FGF12: variants seen among roughly 807,000 people sequenced by gnomAD.
FGF12 encodes fibroblast growth factor 12B.
In FGF12, 14 loss-of-function variants were observed where a neutral mutation model predicts 23.6. The ratio of observed to expected loss-of-function variants is 0.59; its 90% CI spans 0.39 to 0.93. The LOEUF (loss-of-function observed/expected upper bound fraction) is 0.93. FGF12 is among the 40% of genes least tolerant of loss of function. The pLI is 0.00. For missense variants in FGF12, 175 were observed against 217.8 expected (o/e 0.80, Z 1.24); for synonymous variants, 62 against 77.3 (o/e 0.80, Z 1.04).
chr3:192,467,722 G>C (rs890287368), intron 2 of FGF12, among the ~76,000 whole-genome samples: 4 of 152,080 alleles, frequency 2.6e-5, no homozygotes, highest in African/African-American at 9.7e-5. Flanking sequence ...AAAATACTAG[G>C]CACATGAAGA....
intron 2 of FGF12, among the ~76,000 whole-genome samples, chr3:192,576,514 T>C (rs995658889): frequency 6.6e-6 from 1 of 152,180 alleles, no homozygotes; most frequent in African/African-American, 2.4e-5. Context: ...TAAAGAGTAA[T>C]GTCTTAGAAA....
chr3:192,260,419 T>G (rs1378252963), intron 4 of FGF12, among the ~76,000 whole-genome samples: 1 of 152,194 alleles, frequency 6.6e-6, no homozygotes, highest in Non-Finnish European at 1.5e-5. Flanking sequence ...TAAATTGGAT[T>G]CTGTTCATCC....
At chr3:192,232,989 T>C (rs766312922) in intron 4 of FGF12, among the ~76,000 whole-genome samples, 20 of 152,228 alleles carry the variant, frequency 1.3e-4, no homozygotes, top group Non-Finnish European at 2.6e-4. Flanking sequence ...GTCTTTGCTA[T>C]TGTGAATAAT....
intron 2 of FGF12, among the ~76,000 whole-genome samples, chr3:192,406,141 T>C (rs1720948230): frequency 6.6e-6 from 1 of 152,194 alleles, no homozygotes; most frequent in Non-Finnish European, 1.5e-5. Context: ...TGTTTTCTAA[T>C]GAGATGCTAA....
intron 4 of FGF12, among the ~76,000 whole-genome samples, chr3:192,237,586 G>A (rs746333813): frequency 1.3e-5 from 2 of 151,952 alleles, no homozygotes; most frequent in African/African-American, 2.4e-5. Flanking sequence ...AACAGTCTTC[G>A]AGTTCTGAGA....
intron 2 of FGF12, among the ~76,000 whole-genome samples, chr3:192,404,155 T>C (rs1056901318): frequency 6.6e-6 from 1 of 152,202 alleles, no homozygotes; most frequent in African/African-American, 2.4e-5. Context: ...TTTTTCCTGA[T>C]TGATTATTCT....
intron 4 of FGF12, among the ~76,000 whole-genome samples, chr3:192,317,757 C>T (rs879176388): frequency 5.3e-5 from 8 of 152,110 alleles, no homozygotes; most frequent in African/African-American, 1.7e-4. Flanking sequence ...AGACAGTGCT[C>T]ACCACAGACC....
intron 2 of FGF12, among the ~76,000 whole-genome samples, chr3:192,657,547 T>C (rs1183241098): frequency 6.6e-6 from 1 of 152,166 alleles, no homozygotes; most frequent in Non-Finnish European, 1.5e-5. Flanking sequence ...CTTCTGGGTA[T>C]CAATTTTATC....
At chr3:192,508,472 CGCT>C (rs1265719760) in intron 2 of FGF12, among the ~76,000 whole-genome samples, 1 of 152,182 alleles carries the variant, frequency 6.6e-6, no homozygotes, top group Non-Finnish European at 1.5e-5. Flanking sequence ...TATAAGTACT[CGCT>C]GGATGTCTCT....
At chr3:192,161,044 A>G (rs1203496535) in intron 5 of FGF12, among the ~76,000 whole-genome samples, 3 of 149,856 alleles carry the variant, frequency 2.0e-5, no homozygotes, top group East Asian at 3.9e-4. Context: ...AACAGAAAAT[A>G]AACCAAGAAA....
chr3:192,196,856 G>A (rs1717093341), intron 4 of FGF12, among the ~76,000 whole-genome samples: 1 of 148,314 alleles, frequency 6.7e-6, no homozygotes, highest in Non-Finnish European at 1.5e-5. Flanking sequence ...GCAAAGACAA[G>A]TATTTTTTTT....
chr3:192,419,731 A>G (rs895976820), intron 2 of FGF12, among the ~76,000 whole-genome samples: 1 of 152,202 alleles, frequency 6.6e-6, no homozygotes, highest in Non-Finnish European at 1.5e-5. Context: ...TCATGAATCA[A>G]CAATGAAACT....
At chr3:192,287,438 G>A (rs897203053) in intron 4 of FGF12, among the ~76,000 whole-genome samples, 2 of 151,982 alleles carry the variant, frequency 1.3e-5, no homozygotes, top group Non-Finnish European at 2.9e-5. Context: ...TTAACAGTCC[G>A]TGAAATTTAG....
chr3:192,174,532 C>G (rs2108624749), intron 4 of FGF12, among the ~76,000 whole-genome samples: 1 of 152,280 alleles, frequency 6.6e-6, no homozygotes, highest in Non-Finnish European at 1.5e-5. Flanking sequence ...GCTGCAGGCA[C>G]TTGTGTGGAC....
chr3:192,581,919 A>C (rs764273607), intron 2 of FGF12, among the ~76,000 whole-genome samples: 10 of 151,320 alleles, frequency 6.6e-5, no homozygotes, highest in Non-Finnish European at 1.5e-4. Context: ...TGAATGCCTT[A>C]CTCTCTTCAG....
intron 2 of FGF12, among the ~76,000 whole-genome samples, chr3:192,524,158 A>T (rs1724886833): frequency 1.3e-5 from 2 of 152,250 alleles, no homozygotes; most frequent in Non-Finnish European, 1.5e-5. Context: ...CCCCCTTCCT[A>T]GTGCAACATT....
At position 192,154,832 on chromosome 3, in the gene FGF12, T is replaced by C. The variant is rs1032433444; in HGVS notation, c.428-10705A>G. Among the ~76,000 whole-genome samples, 8 of 146,434 alleles carry C rather than the reference T, an allele frequency of 5.5e-5. No homozygotes were observed. In the South Asian group the frequency reaches 9.2e-4, roughly 17 times the overall value. ...GCAGGCAGGCCTCCTTGAGCTGTGGTGGGCTCCACCCAGTTCGAGCTTCCC... is the reference window on the plus strand; with the variant it reads ...GCAGGCAGGCCTCCTTGAGCTGTGGCGGGCTCCACCCAGTTCGAGCTTCCC... On this transcript the variant is annotated intron_variant, in intron 5 of 5. Coordinates refer to ENST00000445105, the MANE Select transcript of FGF12 (RefSeq NM_004113.6).
chr3:192,692,870 G>GA (rs1467781215), intron 2 of FGF12, among the ~76,000 whole-genome samples: 2 of 151,760 alleles, frequency 1.3e-5, no homozygotes, highest in African/African-American at 4.8e-5. Context: ...ATCAATGGGA[G>GA]AAAACCAGAA....
intron 4 of FGF12, among the ~76,000 whole-genome samples, chr3:192,313,861 G>C (rs970566978): frequency 2.6e-5 from 4 of 152,190 alleles, no homozygotes; most frequent in African/African-American, 9.7e-5. Flanking sequence ...GCTGCTGCCA[G>C]GTGCTATGGA....
Sources: allele counts gnomAD v4.1 joint callset (sites outside exome capture counted in the v4.1 genomes callset), GRCh38; gene constraint gnomAD v4.1.1; transcripts MANE v1.5; gene names NCBI Gene and HGNC (gene_info 2026-07-23, HGNC 2026-07-21).